MOSPD2: variants seen among roughly 807,000 people sequenced by gnomAD.
MOSPD2 encodes the protein motile sperm domain containing 2.
In MOSPD2, 5 loss-of-function variants were observed where a neutral mutation model predicts 41.7. That is an observed-to-expected ratio of 0.12 (90% CI 0.06 to 0.25). MOSPD2 has a LOEUF of 0.25. Ranked by LOEUF, MOSPD2 falls within the 10% of genes least tolerant of loss-of-function variation. MOSPD2 has a pLI of 1.00. For synonymous variants in MOSPD2, 115 were observed against 126.9 expected, an observed-to-expected ratio of 0.91 and a Z score of 0.63; for missense variants, 282 against 375.2, an observed-to-expected ratio of 0.75 and a Z score of 2.05.
chrX:14,879,133 A>G (rs764375398), intron 2 of MOSPD2, among the ~76,000 whole-genome samples: 4 of 112,335 alleles, frequency 3.6e-5, no homozygotes, highest in African/African-American at 6.5e-5. Flanking sequence ...ATATTCTCAG[A>G]TATGACTAAT....
At chrX:14,910,648 T>G (rs769121621) in intron 8 of MOSPD2, among the ~76,000 whole-genome samples, 3 of 111,574 alleles carry the variant, frequency 2.7e-5, no homozygotes, top group Non-Finnish European at 5.7e-5. Context: ...AGTTTTTAAT[T>G]TAGATAGCTG....
intron 10 of MOSPD2, among the ~76,000 whole-genome samples, chrX:14,913,044 A>G (rs1310743694): frequency 8.9e-6 from 1 of 111,773 alleles, no homozygotes; most frequent in Non-Finnish European, 1.9e-5. Context: ...GACATTCTCT[A>G]ATTGATAGTA....
At position 14,921,537 on chromosome X, in the gene MOSPD2, G is replaced by A; in HGVS notation, c.*1728G>A. The stretch of plus-strand genomic sequence containing the variant: ...AGTTGTGTATGTTTTCTGTTCCTTG[G>A]CAAATAAATGAAGAAATAATTAGCC... On this transcript the variant is annotated 3_prime_UTR_variant, in exon 15 of 15. Coordinates refer to ENST00000380492, the MANE Select transcript of MOSPD2 (RefSeq NM_152581.4). 1 of 467,394 alleles carries A rather than the reference G, an allele frequency of 2.1e-6. No individual in the cohort carries two copies. The highest frequency in any genetic ancestry group is 6.1e-5 in the Admixed American group (1 of 16,316). 38.5% of individuals were successfully genotyped at this position (467,394 alleles called of 1,213,427 possible).
intron 3 of MOSPD2, 35 bp from the exon 4 acceptor site, chrX:14,895,273 A>G (rs371330900): frequency 2.9e-5 from 24 of 833,973 alleles, no homozygotes; most frequent in Non-Finnish European, 3.9e-5. Context: ...AAACCCCTAA[A>G]TTACAACTAC....
At chrX:14,888,196 A>ACACACACG (rs1491164838) in intron 2 of MOSPD2, among the ~76,000 whole-genome samples, 33 of 29,155 alleles carry the variant, frequency 1.1e-3, no homozygotes, top group Middle Eastern at 0.029. Flanking sequence ...GAGAATATAT[A>ACACACACG]CACACACACG....
chrX:14,892,254 T>C (rs1333879578), intron 2 of MOSPD2, among the ~76,000 whole-genome samples: 1 of 111,911 alleles, frequency 8.9e-6, no homozygotes, highest in East Asian at 2.8e-4. Flanking sequence ...GGTGTCAATA[T>C]CTGCTTCTGA....
chrX:14,876,287 AC>A (rs1257585573), intron 2 of MOSPD2, among the ~76,000 whole-genome samples: 1 of 111,946 alleles, frequency 8.9e-6, no homozygotes, highest in African/African-American at 3.2e-5. Context: ...TTTTTCTTTC[AC>A]CCTTTCTATT....
At chrX:14,918,169 T>TA (rs1287094342) in intron 13 of MOSPD2, among the ~76,000 whole-genome samples, 1 of 112,145 alleles carries the variant, frequency 8.9e-6, no homozygotes, top group African/African-American at 3.2e-5. Flanking sequence ...TTGAAGTTCT[T>TA]ACGAAACAGT....
chrX:14,883,114 A>G (rs2092534820), intron 2 of MOSPD2, among the ~76,000 whole-genome samples: 1 of 110,338 alleles, frequency 9.1e-6, no homozygotes, highest in African/African-American at 3.3e-5. Context: ...GGATTGCTTG[A>G]ACCCGGGAGG....
chrX:14,890,190 T>G (rs1473425859), intron 2 of MOSPD2, among the ~76,000 whole-genome samples: 2 of 105,969 alleles, frequency 1.9e-5, no homozygotes, highest in African/African-American at 7.4e-5. Context: ...TCAGCACTCT[T>G]AGTTTAAAAA....
intron 7 of MOSPD2, among the ~76,000 whole-genome samples, chrX:14,905,743 C>A (rs184681007): frequency 9.0e-6 from 1 of 110,877 alleles, no homozygotes; most frequent in Admixed American, 9.6e-5. Flanking sequence ...CTGCCTGCCC[C>A]GCCCTCCCAA....
intron 7 of MOSPD2, among the ~76,000 whole-genome samples, chrX:14,907,849 T>C (rs1412689702): frequency 9.0e-6 from 1 of 111,678 alleles, no homozygotes; most frequent in Non-Finnish European, 1.9e-5. Flanking sequence ...TTTTATGGCA[T>C]GTAAATTATA....
chrX:14,879,638 G>C (rs929481333), intron 2 of MOSPD2, among the ~76,000 whole-genome samples: 7 of 111,785 alleles, frequency 6.3e-5, no homozygotes, highest in African/African-American at 2.3e-4. Flanking sequence ...AGACCAAAAC[G>C]TTTGAGAACT....
At chrX:14,905,334 G>T (rs7890710) in intron 7 of MOSPD2, among the ~76,000 whole-genome samples, 6,091 of 110,977 alleles carry the variant, frequency 0.055, 350 homozygotes, top group African/African-American at 0.18. Context: ...TTCATGGATT[G>T]GAAGACTTAA....
In MOSPD2 at chrX:14,920,762, A is replaced by G. The variant is rs190182186; in HGVS notation, c.*953A>G. On this transcript the variant is annotated 3_prime_UTR_variant, in exon 15 of 15. Coordinates refer to ENST00000380492, the MANE Select transcript of MOSPD2 (RefSeq NM_152581.4). ...TAGATATAAATTTTTTTGAAAGGTT[A>G]GTTGTTTGAGATGCTAAGCAGGATA... 6.7e-4 allele frequency: 505 copies of G among 750,912 alleles called. 2 individuals are homozygous for G. The African/African-American group carries it at 0.01, about 16-fold the overall frequency. 61.9% of individuals were successfully genotyped at this position (750,912 alleles called of 1,213,427 possible).
chrX:14,911,393 C>A lies in MOSPD2; in HGVS notation c.859C>A (p.Gln287Lys), dbSNP rs757238717. The A allele has an allele frequency of 8.4e-7, 1 of 1,183,509 alleles. No individual in the cohort carries two copies. The highest frequency in any genetic ancestry group is 3.0e-5 in the East Asian group (1 of 33,401). ...ETLETISNEEQTPLLKKINPT... is the reference protein window; with the variant it reads ...ETLETISNEEKTPLLKKINPT... ...ATTGGAAACAATTTCTAATGAAGAACAAACACCTCTTCTTAAAAAGGTAAC... is the reference window on the plus strand; with the variant it reads ...ATTGGAAACAATTTCTAATGAAGAAAAAACACCTCTTCTTAAAAAGGTAAC... The change falls in exon 9 of 15, where the codon CAA (glutamine) becomes AAA (lysine). Residue 287 changes from glutamine to lysine, a missense_variant. Physicochemically the swap from Gln to Lys is moderately conservative, Grantham distance 53. Coordinates refer to ENST00000380492, the MANE Select transcript of MOSPD2 (RefSeq NM_152581.4).
Position 14,920,593 on chromosome X carries a change from A to G in MOSPD2, c.*784A>G, listed in dbSNP as rs2092607842. ...TTTATGGAGTTTCATGTTGTCCACT[A>G]TAGCTGGACACTGAACCTTTTGCCT... On this transcript the variant is annotated 3_prime_UTR_variant, in exon 15 of 15. Transcript: ENST00000380492. The G allele has an allele frequency of 2.7e-6, 2 of 752,712 alleles. No homozygotes were observed. Among genetic ancestry groups the G allele is most frequent in the Non-Finnish European group, 3.1e-6 (2 of 638,098 alleles). 62.0% of individuals were successfully genotyped at this position (752,712 alleles called of 1,213,427 possible).
chrX:14,921,325 C>G lies in MOSPD2; in HGVS notation c.*1516C>G, dbSNP rs1207029842. 2.1e-6 allele frequency: 2 copies of G among 933,581 alleles called. No individual in the cohort carries two copies. The highest frequency in any genetic ancestry group is 2.7e-6 in the Non-Finnish European group (2 of 754,144). The allele number at this position is 933,581 out of a possible 1,213,427, so 76.9% of individuals were successfully genotyped here. On this transcript the variant is annotated 3_prime_UTR_variant, in exon 15 of 15. Coordinates refer to ENST00000380492, the MANE Select transcript of MOSPD2 (RefSeq NM_152581.4). The stretch of plus-strand genomic sequence containing the variant: ...TTCAAAATTGGCCTAGGAAATAAAA[C>G]CTTAAAAGGACACTGGTGTGCTACT...
intron 11 of MOSPD2, 73 bp downstream of exon 11, chrX:14,914,672 T>C: frequency 1.7e-6 from 1 of 600,399 alleles, no homozygotes. Flanking sequence ...CATATTCTAA[T>C]TGAAAGATTG....
Sources: allele counts gnomAD v4.1 joint callset (sites outside exome capture counted in the v4.1 genomes callset), GRCh38; gene constraint gnomAD v4.1.1; transcripts MANE v1.5; gene names NCBI Gene and HGNC (gene_info 2026-07-23, HGNC 2026-07-21).